GPC5: variants seen among roughly 807,000 people sequenced by gnomAD.
The protein encoded by GPC5 is glypican 5.
A neutral mutation model predicts 53.9 loss-of-function variants in GPC5; 47 were observed. That is an observed-to-expected ratio of 0.87 (90% CI 0.69 to 1.11). GPC5 has a LOEUF of 1.11. GPC5 is among the 50% of genes most tolerant of loss of function. The pLI is 0.00. For missense variants in GPC5, 748 were observed against 713.1 expected (o/e 1.05, Z -0.56); for synonymous variants, 286 against 263.3 (o/e 1.09, Z -0.84).
chr13:92,174,370 A>G (rs1414950833), intron 7 of GPC5, among the ~76,000 whole-genome samples: 1 of 149,594 alleles, frequency 6.7e-6, no homozygotes, highest in East Asian at 2.0e-4. Context: ...AAACACAAAA[A>G]AAAAAACAAA....
chr13:92,732,314 G>A (rs1321166372), intron 7 of GPC5, among the ~76,000 whole-genome samples: 1 of 151,322 alleles, frequency 6.6e-6, no homozygotes, highest in Non-Finnish European at 1.5e-5. Context: ...TCCCTCAGAG[G>A]CTCAAACTTG....
chr13:91,426,998 T>G (rs540612575), intron 1 of GPC5, among the ~76,000 whole-genome samples: 2 of 152,330 alleles, frequency 1.3e-5, no homozygotes, highest in South Asian at 2.1e-4. Context: ...CATGTGGTAT[T>G]GGACCCGTGG....
chr13:91,830,868 A>AATATATATCCTATTATATATAAT, intron 5 of GPC5, among the ~76,000 whole-genome samples: 1 of 125,010 alleles, frequency 8.0e-6, no homozygotes, highest in Non-Finnish European at 1.7e-5. Flanking sequence ...TATTATATAT[A>AATATATATCCTATTATATATAAT]ATATATATCC....
intron 1 of GPC5, among the ~76,000 whole-genome samples, chr13:91,446,034 C>G (rs9589234): frequency 0.045 from 6,777 of 152,132 alleles, 189 homozygotes; most frequent in South Asian, 0.13. Context: ...TGTGCCTATT[C>G]CTGGTTTCTC....
chr13:91,499,226 G>T (rs573960690), intron 2 of GPC5, among the ~76,000 whole-genome samples: 2 of 152,246 alleles, frequency 1.3e-5, no homozygotes, highest in South Asian at 4.2e-4. Context: ...CAGGAAGAGG[G>T]TGTTGGGTAT....
At chr13:92,378,742 G>T (rs922272464) in intron 7 of GPC5, among the ~76,000 whole-genome samples, 2 of 152,090 alleles carry the variant, frequency 1.3e-5, no homozygotes, top group African/African-American at 4.8e-5. Flanking sequence ...TTATCTATGT[G>T]TATGTTTTTA....
intron 2 of GPC5, among the ~76,000 whole-genome samples, chr13:91,571,956 C>T (rs144237783): frequency 0.031 from 3,992 of 128,666 alleles, 622 homozygotes; most frequent in African/African-American, 0.13. Context: ...CATATACACA[C>T]ATATATGTAT....
intron 6 of GPC5, among the ~76,000 whole-genome samples, chr13:91,988,075 C>T (rs1454575790): frequency 2.0e-5 from 3 of 147,264 alleles, no homozygotes; most frequent in Admixed American, 6.9e-5. Flanking sequence ...ATATAGTATT[C>T]TTCATAATAC....
intron 5 of GPC5, among the ~76,000 whole-genome samples, chr13:91,855,078 A>G (rs551083593): frequency 3.3e-4 from 50 of 151,800 alleles, no homozygotes; most frequent in South Asian, 6.2e-4. Flanking sequence ...TTTTAAAAAG[A>G]TACTCATTTG....
chr13:92,140,309 A>G (rs1363816117), intron 6 of GPC5, among the ~76,000 whole-genome samples: 1 of 152,186 alleles, frequency 6.6e-6, no homozygotes, highest in Non-Finnish European at 1.5e-5. Context: ...TACAATTTAC[A>G]AGCAAAACAA....
chr13:92,254,205 T>G (rs2042711439), intron 7 of GPC5, among the ~76,000 whole-genome samples: 1 of 152,156 alleles, frequency 6.6e-6, no homozygotes, highest in Admixed American at 6.6e-5. Context: ...ATGAACCAAC[T>G]GGAAGCCAAA....
intron 6 of GPC5, among the ~76,000 whole-genome samples, chr13:92,079,067 T>C (rs1475963570): frequency 6.6e-6 from 1 of 152,128 alleles, no homozygotes; most frequent in Non-Finnish European, 1.5e-5. Context: ...TTCTTTTTTT[T>C]CGAGATGGAA....
At chr13:92,669,336 C>T (rs138664331) in intron 7 of GPC5, among the ~76,000 whole-genome samples, 121 of 152,222 alleles carry the variant, frequency 7.9e-4, no homozygotes, top group African/African-American at 2.8e-3. Flanking sequence ...CCTGGTCTTT[C>T]CTCCTCTCTC....
chr13:92,116,792 T>C (rs1226182493), intron 6 of GPC5, among the ~76,000 whole-genome samples: 1 of 152,242 alleles, frequency 6.6e-6, no homozygotes, highest in Non-Finnish European at 1.5e-5. Context: ...TTGTACTTTC[T>C]GATGACTAAT....
intron 7 of GPC5, among the ~76,000 whole-genome samples, chr13:92,263,154 G>T (rs892454748): frequency 2.0e-5 from 3 of 151,978 alleles, no homozygotes; most frequent in Non-Finnish European, 4.4e-5. Context: ...GAATAATAAT[G>T]TTATTATATT....
chr13:92,514,544 T>G (rs1880697576), intron 7 of GPC5, among the ~76,000 whole-genome samples: 1 of 152,140 alleles, frequency 6.6e-6, no homozygotes, highest in African/African-American at 2.4e-5. Context: ...CTGTATTATC[T>G]CCCTTTCATA....
At chr13:91,863,992 C>A (rs1264186013) in intron 5 of GPC5, among the ~76,000 whole-genome samples, 5 of 152,126 alleles carry the variant, frequency 3.3e-5, no homozygotes, top group Non-Finnish European at 7.4e-5. Flanking sequence ...TTTACATGTG[C>A]ACTGATAAAT....
chr13:92,328,365 C>G (rs879552718), intron 7 of GPC5, among the ~76,000 whole-genome samples: 4 of 152,020 alleles, frequency 2.6e-5, no homozygotes, highest in Non-Finnish European at 5.9e-5. Context: ...ACAAACAGAA[C>G]CAGATATAGA....
At chr13:91,484,621 T>G (rs1290409463) in intron 2 of GPC5, among the ~76,000 whole-genome samples, 2 of 152,180 alleles carry the variant, frequency 1.3e-5, no homozygotes, top group Admixed American at 1.3e-4. Context: ...TGGATAATTC[T>G]GTTTTGATTT....
Sources: gnomAD v4.1 joint callset for allele counts (sites outside exome capture counted in the v4.1 genomes callset) on GRCh38, gnomAD v4.1.1 for gene constraint, MANE v1.5 for transcripts, NCBI Gene and HGNC (gene_info 2026-07-23, HGNC 2026-07-21) for gene names.